CDH22: variants seen among roughly 807,000 people sequenced by gnomAD.
The protein encoded by CDH22 is cadherin 22.
A neutral mutation model predicts 58.4 loss-of-function variants in CDH22; 30 were observed. The ratio of observed to expected loss-of-function variants is 0.51; its 90% CI spans 0.38 to 0.70. The LOEUF (loss-of-function observed/expected upper bound fraction) is 0.70, where lower values mean the gene tolerates loss of function less well. Among genes scored for constraint, CDH22 ranks in the 30% least tolerant of loss-of-function variants. The probability of loss-of-function intolerance (pLI) is 0.00; values close to 1 mark genes in which losing one functional copy is unlikely to be tolerated. For missense variants in CDH22, 1,014 were observed against 1,233.9 expected (o/e 0.82, Z 2.67); for synonymous variants, 513 against 558.2 (o/e 0.92, Z 1.14).
At position 46,174,310 on chromosome 20, in the gene CDH22, C is replaced by T. The variant is rs1347882424; in HGVS notation, c.*196G>A. Reference sequence around the variant, plus strand: ...AATGCCGTTGGTCAGAATCCCGCACCTCTGGGCTCCAAAGCTGCACCCCTA... The same window carrying T: ...AATGCCGTTGGTCAGAATCCCGCACTTCTGGGCTCCAAAGCTGCACCCCTA... On this transcript the variant is annotated 3_prime_UTR_variant, in exon 12 of 12. Coordinates refer to ENST00000537909, the MANE Select transcript of CDH22 (RefSeq NM_021248.3). This position sits in a 1 kb window ranked among gnomAD's most constrained non-coding sequence, Gnocchi z 4.4. 2 of 518,854 alleles carry T rather than the reference C, an allele frequency of 3.9e-6. No individual in the cohort carries two copies. The highest frequency in any genetic ancestry group is 6.7e-6 in the Non-Finnish European group (2 of 298,952). 32.1% of individuals were successfully genotyped at this position (518,854 alleles called of 1,614,324 possible).
Position 46,241,325 on chromosome 20 carries a change from T to A in CDH22, c.256-68A>T. ...AGCTCCTCTTGGCCTCACTGTCTCA[T>A]GCCATTGGCTGCCTATTCCTAAGCC... On this transcript the variant is annotated intron_variant, in intron 2 of 11. Coordinates refer to ENST00000537909, the MANE Select transcript of CDH22 (RefSeq NM_021248.3). This position sits in a 1 kb window ranked among gnomAD's most constrained non-coding sequence, Gnocchi z 5.2. 7.6e-7 allele frequency: 1 copy of A among 1,310,366 alleles called. No homozygotes were observed. Among genetic ancestry groups the A allele is most frequent in the Non-Finnish European group, 1.0e-6 (1 of 957,252 alleles). The allele number at this position is 1,310,366 out of a possible 1,614,324, so 81.2% of individuals were successfully genotyped here. A position where few individuals can be genotyped will look rare whatever the true frequency, so the allele number is the denominator to read the frequency against.
Position 46,174,231 on chromosome 20 carries a change from C to G in CDH22, c.*275G>C, listed in dbSNP as rs1300674059. 3 of 452,736 alleles carry G rather than the reference C, an allele frequency of 6.6e-6. No individual in the cohort carries two copies. Among genetic ancestry groups the G allele is most frequent in the Non-Finnish European group, 1.2e-5 (3 of 259,426 alleles). The allele number at this position is 452,736 out of a possible 1,614,324, so 28.0% of individuals were successfully genotyped here. A position where few individuals can be genotyped will look rare whatever the true frequency, so the allele number is the denominator to read the frequency against. On this transcript the variant is annotated 3_prime_UTR_variant, in exon 12 of 12. Coordinates refer to ENST00000537909, the MANE Select transcript of CDH22 (RefSeq NM_021248.3). The surrounding 1 kb of genome is among the most constrained non-coding windows in gnomAD (Gnocchi z 4.4). ...CCTTCCCGACTCTGCAACGCCACCC[C>G]CATCTCCCATTCTAACCCCAGAGCC...
chr20:46,194,426 G>C (rs1003798917), intron 8 of CDH22, among the ~76,000 whole-genome samples: 1 of 152,210 alleles, frequency 6.6e-6, no homozygotes, highest in Non-Finnish European at 1.5e-5. Flanking sequence ...CTTCTGAGAG[G>C]CATAGACTGG....
rs954866963 is a variant in CDH22, at chr20:46,174,833, G to A, written c.2160C>T (p.Ser720=). The part of the protein sequence containing the change: ...AGGGSGGGAG[S]PPQAHLPSER... ...CGGAGGGCAGGTGGGCCTGCGGGGG[G>A]CTGCCCGCGCCCCCGCCCGAGCCCC... is the stretch of plus-strand genomic sequence containing the variant. The change falls in exon 12 of 12, where the codon AGC becomes AGT. Residue 720 remains serine (S), a synonymous_variant. Coordinates refer to ENST00000537909, the MANE Select transcript of CDH22 (RefSeq NM_021248.3). This position sits in a 1 kb window ranked among gnomAD's most constrained non-coding sequence, Gnocchi z 4.4. 4 of 1,387,220 alleles carry A rather than the reference G, an allele frequency of 2.9e-6. No individual in the cohort carries two copies. In the East Asian group the frequency reaches 9.3e-5, roughly 32 times the overall value. The allele number at this position is 1,387,220 out of a possible 1,614,324, so 85.9% of individuals were successfully genotyped here.
At chr20:46,278,041 C>A (rs1485750298) in intron 1 of CDH22, among the ~76,000 whole-genome samples, 3 of 151,652 alleles carry the variant, frequency 2.0e-5, no homozygotes, top group Admixed American at 6.6e-5. Context: ...AAGGAAGGAT[C>A]CTCCGTGATG....
At chr20:46,224,803 C>T (rs1286978520) in intron 4 of CDH22, among the ~76,000 whole-genome samples, 1 of 152,210 alleles carries the variant, frequency 6.6e-6, no homozygotes, top group Non-Finnish European at 1.5e-5. Flanking sequence ...CCCCTATTCT[C>T]TCTTCTCGGC....
chr20:46,246,478 C>A (rs1046536730), intron 2 of CDH22, among the ~76,000 whole-genome samples: 1 of 152,056 alleles, frequency 6.6e-6, no homozygotes. Context: ...ACAGAGGCCT[C>A]GGGGGAAATT....
intron 1 of CDH22, among the ~76,000 whole-genome samples, chr20:46,294,873 G>T (rs2086621623): frequency 6.6e-6 from 1 of 152,208 alleles, no homozygotes; most frequent in Non-Finnish European, 1.5e-5. Context: ...CTGACCCACT[G>T]CACCTTCCCG....
chr20:46,176,120 G>C (rs959316273), intron 11 of CDH22, among the ~76,000 whole-genome samples: 7 of 152,028 alleles, frequency 4.6e-5, no homozygotes, highest in African/African-American at 1.7e-4. Context: ...TTCTAAGCAG[G>C]TTTCTCCTCG....
intron 1 of CDH22, among the ~76,000 whole-genome samples, chr20:46,269,697 AGCCAGCCT>A (rs929768526): frequency 6.6e-6 from 1 of 152,164 alleles, no homozygotes; most frequent in African/African-American, 2.4e-5. Flanking sequence ...TGCCAAGAGG[AGCCAGCCT>A]GCCAGGGACA....
At chr20:46,223,439 C>G (rs1258807751) in intron 4 of CDH22, among the ~76,000 whole-genome samples, 1 of 152,150 alleles carries the variant, frequency 6.6e-6, no homozygotes, top group African/African-American at 2.4e-5. Flanking sequence ...ATGAAGGCTT[C>G]CTCATCACCA....
chr20:46,186,638 A>G lies in CDH22; in HGVS notation c.1613T>C (p.Leu538Pro). The G allele has an allele frequency of 6.2e-7, 1 of 1,613,352 alleles. No individual in the cohort carries two copies. The highest frequency in any genetic ancestry group is 1.1e-5 in the South Asian group (1 of 91,036). The change falls in exon 10 of 12, where the codon CTG becomes CCG. Residue 538 changes from leucine (L) to proline (P), a missense_variant. Leu to Pro is a moderately conservative substitution (Grantham distance 98). Coordinates refer to ENST00000537909, the MANE Select transcript of CDH22 (RefSeq NM_021248.3). ...AGGGTTGCTGGGAGCTTCAGGCACCAGGCGGAAATAGAAGCGGTGCCCGCC... is the reference window on the plus strand; with the variant it reads ...AGGGTTGCTGGGAGCTTCAGGCACCGGGCGGAAATAGAAGCGGTGCCCGCC... ...PQGGHRFYFR[L>P]VPEAPSNPHF...
At chr20:46,229,712 T>C (rs2086205623) in intron 3 of CDH22, among the ~76,000 whole-genome samples, 2 of 152,156 alleles carry the variant, frequency 1.3e-5, no homozygotes, top group African/African-American at 4.8e-5. Context: ...CAGTATACAA[T>C]GGCACAATTA....
chr20:46,249,277 C>T (rs1400107061), intron 2 of CDH22, among the ~76,000 whole-genome samples: 1 of 152,194 alleles, frequency 6.6e-6, no homozygotes, highest in Admixed American at 6.5e-5. Flanking sequence ...CAGGCTTGGT[C>T]ACTCCATCCC....
At chr20:46,276,485 G>A (rs1394755068) in intron 1 of CDH22, among the ~76,000 whole-genome samples, 1 of 152,154 alleles carries the variant, frequency 6.6e-6, no homozygotes, top group African/African-American at 2.4e-5. Context: ...GGATAAGGAA[G>A]GATCATGGAC....
chr20:46,266,628 A>G (rs2086460918), intron 1 of CDH22, among the ~76,000 whole-genome samples: 1 of 152,232 alleles, frequency 6.6e-6, no homozygotes, highest in South Asian at 2.1e-4. Context: ...ACATTAAAGA[A>G]TCTGTCCCTT....
At chr20:46,306,147 A>G (rs573815613) in intron 1 of CDH22, among the ~76,000 whole-genome samples, 28 of 152,328 alleles carry the variant, frequency 1.8e-4, no homozygotes, top group African/African-American at 6.7e-4. Flanking sequence ...TAACTTGAAC[A>G]CCTCATGCTG....
intron 7 of CDH22, among the ~76,000 whole-genome samples, chr20:46,204,862 AATAT>A (rs1173733860): frequency 3.1e-4 from 47 of 152,308 alleles, no homozygotes; most frequent in Non-Finnish European, 5.7e-4. Flanking sequence ...CCTCTACATA[AATAT>A]GTGCATATAT....
chr20:46,294,005 G>C (rs1185629530), intron 1 of CDH22, among the ~76,000 whole-genome samples: 2 of 152,100 alleles, frequency 1.3e-5, no homozygotes, highest in Non-Finnish European at 2.9e-5. Flanking sequence ...ACAGAGCGAG[G>C]CTCCATCTCA....
Sources: allele counts gnomAD v4.1 joint callset (sites outside exome capture counted in the v4.1 genomes callset), GRCh38; gene constraint gnomAD v4.1.1; non-coding constraint Gnocchi (gnomAD v3.1); transcripts MANE v1.5; gene names NCBI Gene and HGNC (gene_info 2026-07-23, HGNC 2026-07-21).